Variants in TAF7L observed in about 807,000 individuals in gnomAD.
TAF7L encodes transcription initiation factor TFIID subunit 7-like.
TAF7L carries 6 observed loss-of-function variants against 30.2 expected under a neutral mutation model. The ratio of observed to expected loss-of-function variants is 0.20; its 90% CI spans 0.11 to 0.39. The LOEUF (loss-of-function observed/expected upper bound fraction) is 0.39, where lower values mean the gene tolerates loss of function less well. Among genes scored for constraint, TAF7L ranks in the 10% least tolerant of loss-of-function variants. The probability of loss-of-function intolerance (pLI) is 1.00; values close to 1 mark genes in which losing one functional copy is unlikely to be tolerated. For missense variants in TAF7L, 284 were observed against 277.1 expected (o/e 1.03, Z -0.18); for synonymous variants, 93 against 94.5 (o/e 0.98, Z 0.09).
At chrX:101,287,744 T>C in intron 1 of TAF7L, 199 bp from the exon 2 acceptor site, 1 of 335,209 alleles carries the variant, frequency 3.0e-6, no homozygotes. Flanking sequence ...TTAGCTCCTC[T>C]CCAATATGTG....
At chrX:101,286,549 A>G (rs1460150160) in intron 3 of TAF7L, 26 bp downstream of exon 3, 1 of 1,065,558 alleles carries the variant, frequency 9.4e-7, no homozygotes, top group South Asian at 1.9e-5. Flanking sequence ...TGTTCAATGT[A>G]TAGTGAATGG....
chrX:101,283,683 C>T, intron 3 of TAF7L, 100 bp from the exon 4 acceptor site: 1 of 877,760 alleles, frequency 1.1e-6, no homozygotes, highest in Non-Finnish European at 1.6e-6. Context: ...ATTAGTCTTT[C>T]CAAGAAACCT....
At chrX:101,281,880 C>A in intron 5 of TAF7L, 105 bp from the exon 6 acceptor site, 4 of 619,579 alleles carry the variant, frequency 6.5e-6, no homozygotes, top group Non-Finnish European at 9.4e-6. Flanking sequence ...GTCATGACAT[C>A]ACTCCTTTTT....
chrX:101,291,799 G>A (rs895759110), upstream of TAF7L, among the ~76,000 whole-genome samples: 4 of 107,464 alleles, frequency 3.7e-5, no homozygotes, highest in African/African-American at 1.4e-4. Context: ...CCGGGAGGTG[G>A]AGATTGCAGT....
chrX:101,268,810 T>C lies in TAF7L; in HGVS notation c.*383A>G. On this transcript the variant is annotated 3_prime_UTR_variant, in exon 13 of 13. Coordinates refer to ENST00000356784, the MANE Select transcript of TAF7L (RefSeq NM_001168474.2). ...GTACCATAGCACAGAAGCAATATAA[T>C]CAATTCTTGTTTGGTGTGGTGGTGC... is the stretch of plus-strand genomic sequence containing the variant. 1 of 134,055 alleles carries C rather than the reference T, an allele frequency of 7.5e-6. No homozygotes were observed. The highest frequency in any genetic ancestry group is 1.5e-5 in the Non-Finnish European group (1 of 67,125). The allele number at this position is 134,055 out of a possible 1,213,427, so 11.0% of individuals were successfully genotyped here. A position where few individuals can be genotyped will look rare whatever the true frequency, so the allele number is the denominator to read the frequency against.
At chrX:101,276,585 A>T (rs1924194834) in intron 9 of TAF7L, 57 bp from the exon 10 acceptor site, 4 of 1,118,453 alleles carry the variant, frequency 3.6e-6, no homozygotes, top group Non-Finnish European at 4.9e-6. Context: ...AATGACTCAT[A>T]CTCCAGATAT....
At chrX:101,277,740 A>G (rs1291245359) in intron 8 of TAF7L, 21 bp from the exon 9 acceptor site, 11 of 1,072,847 alleles carry the variant, frequency 1.0e-5, no homozygotes, top group Non-Finnish European at 1.3e-5. Flanking sequence ...TGGGTAGTCA[A>G]GGAAAACACA....
intron 2 of TAF7L, 86 bp from the exon 3 acceptor site, chrX:101,286,739 C>A (rs888071633): frequency 1.4e-6 from 1 of 696,808 alleles, no homozygotes; most frequent in Admixed American, 3.0e-5. Context: ...AAAGCCCTCC[C>A]TTAAATAAAA....
intron 1 of TAF7L, among the ~76,000 whole-genome samples, chrX:101,288,144 C>CT (rs367794112): frequency 0.015 from 1,489 of 99,639 alleles, 16 homozygotes; most frequent in African/African-American, 0.037. Flanking sequence ...GAGTCCAGTT[C>CT]TTTTTTTTTT....
chrX:101,269,316 T>C, intron 12 of TAF7L, 79 bp from the exon 13 acceptor site: 1 of 925,556 alleles, frequency 1.1e-6, no homozygotes, highest in African/African-American at 1.9e-5. Context: ...TTTACTTAAA[T>C]GAACCAAAAA....
intron 3 of TAF7L, among the ~76,000 whole-genome samples, chrX:101,285,600 CTTT>C (rs141431193): frequency 1.5e-4 from 14 of 91,264 alleles, no homozygotes; most frequent in African/African-American, 5.4e-4. Context: ...TGTTATTGTT[CTTT>C]TTTTTTTTTT....
intron 4 of TAF7L, among the ~76,000 whole-genome samples, 188 bp downstream of exon 4, chrX:101,283,262 C>A (rs888699066): frequency 1.6e-4 from 18 of 111,863 alleles, no homozygotes; most frequent in African/African-American, 5.8e-4. Flanking sequence ...GGTCAAAATA[C>A]AATACTGAAA....
At chrX:101,289,750 A>T (rs1924732707) in intron 1 of TAF7L, among the ~76,000 whole-genome samples, 1 of 106,359 alleles carries the variant, frequency 9.4e-6, no homozygotes, top group Non-Finnish European at 2.0e-5. Context: ...ACCCGGCTAA[A>T]TTTTTTTTTT....
chrX:101,280,347 G>C (rs938112367), intron 6 of TAF7L, among the ~76,000 whole-genome samples: 2 of 111,795 alleles, frequency 1.8e-5, no homozygotes, highest in Non-Finnish European at 3.8e-5. Flanking sequence ...GGCATGAGCA[G>C]ACATTTCGCT....
chrX:101,278,178 G>A lies in TAF7L; in HGVS notation c.505-57C>T, dbSNP rs191140411. ...CCAATACTGTCATTTAACACCCTGT[G>A]TGTTGCAGGAGTGCCCTCCTACGTA... On this transcript the variant is annotated intron_variant, in intron 7 of 12. Transcript: ENST00000356784. 43 of 976,464 alleles carry A rather than the reference G, an allele frequency of 4.4e-5. No homozygotes were observed. The East Asian group carries it at 4.9e-4, about 11-fold the overall frequency. The allele number at this position is 976,464 out of a possible 1,213,427, so 80.5% of individuals were successfully genotyped here.
chrX:101,275,323 A>AC, intron 11 of TAF7L, 42 bp from the exon 12 acceptor site: 13 of 875,579 alleles, frequency 1.5e-5, no homozygotes, highest in East Asian at 3.5e-5. Flanking sequence ...TGAGTCTCAA[A>AC]GAAAAAAAAA....
chrX:101,269,301 T>G, intron 12 of TAF7L, 64 bp from the exon 13 acceptor site: 10 of 1,003,479 alleles, frequency 1.0e-5, no homozygotes, highest in Non-Finnish European at 1.4e-5. Context: ...TTACTTGATC[T>G]AGAATTTACT....
intron 9 of TAF7L, among the ~76,000 whole-genome samples, chrX:101,277,041 A>C (rs960549254): frequency 2.1e-4 from 22 of 106,493 alleles, no homozygotes; most frequent in Non-Finnish European, 7.7e-5. Flanking sequence ...AATCCCAGCT[A>C]CTTGGGAGGC....
rs1241448092 is a variant in TAF7L, at chrX:101,268,358, A to T, written c.*835T>A. On this transcript the variant is annotated 3_prime_UTR_variant, in exon 13 of 13. Coordinates refer to ENST00000356784, the MANE Select transcript of TAF7L (RefSeq NM_001168474.2). Reference sequence around the variant, plus strand: ...AAACAAGATTGTTAAAGAAGTCTTCATAGGCATTATGGCATCTTGTTCTTC... The same window carrying T: ...AAACAAGATTGTTAAAGAAGTCTTCTTAGGCATTATGGCATCTTGTTCTTC... 1 of 112,477 alleles carries T rather than the reference A, an allele frequency of 8.9e-6. No individual in the cohort carries two copies. Among genetic ancestry groups the T allele is most frequent in the African/African-American group, 3.2e-5 (1 of 31,005 alleles). 9.3% of individuals were successfully genotyped at this position (112,477 alleles called of 1,213,427 possible). A position where few individuals can be genotyped will look rare whatever the true frequency, so the allele number is the denominator to read the frequency against.
Sources: allele counts gnomAD v4.1 joint callset (sites outside exome capture counted in the v4.1 genomes callset), GRCh38; gene constraint gnomAD v4.1.1; transcripts MANE v1.5; gene names NCBI Gene and HGNC (gene_info 2026-07-23, HGNC 2026-07-21).